Variants in CCT3 observed in about 807,000 individuals in gnomAD.
The protein encoded by CCT3 is chaperonin containing TCP1 subunit 3.
A neutral mutation model predicts 65.3 loss-of-function variants in CCT3; 10 were observed. The observed-to-expected ratio is 0.15, with a 90% CI of 0.09 to 0.26. The LOEUF (loss-of-function observed/expected upper bound fraction) is 0.26. Among genes scored for constraint, CCT3 ranks in the 10% least tolerant of loss-of-function variants. The pLI, the probability that CCT3 is intolerant of heterozygous loss-of-function variation, is 1.00. For missense variants in CCT3, 626 were observed against 708.7 expected, an observed-to-expected ratio of 0.88 and a Z score of 1.33; for synonymous variants, 225 against 242.3, an observed-to-expected ratio of 0.93 and a Z score of 0.66.
At position 156,328,243 on chromosome 1, in the gene CCT3, G is replaced by GC. The variant is rs1240512519; in HGVS notation, c.305-3155dup. ...GTCCGGGAGGGAGGTAGGGGGGTCA[G>GC]CCCCCGGCCCGGCCAGCCGCCCCAT... On this transcript the variant is annotated intron_variant, in intron 5 of 13. Transcript: ENST00000295688. Among the ~76,000 whole-genome samples the GC allele has an allele frequency of 2.9e-4, 41 of 140,728 alleles. 1 individual carries two copies. In the South Asian group the frequency reaches 9.2e-3, roughly 32 times the overall value. The allele number at this position is 140,728 out of a possible 152,430, so 92.3% of individuals were successfully genotyped here.
rs1663959598 is a variant in CCT3, at chr1:156,309,089, C to T, written c.*110G>A. The T allele has an allele frequency of 1.3e-6, 1 of 757,530 alleles. No homozygotes were observed. Among genetic ancestry groups the T allele is most frequent in the Middle Eastern group, 3.7e-4 (1 of 2,674 alleles). The allele number at this position is 757,530 out of a possible 1,614,324, so 46.9% of individuals were successfully genotyped here. A position where few individuals can be genotyped will look rare whatever the true frequency, so the allele number is the denominator to read the frequency against. On this transcript the variant is annotated 3_prime_UTR_variant, in exon 14 of 14. Transcript: ENST00000295688. Reference sequence around the variant, plus strand: ...GACAGAAAGGGACTGGGGGCTGCCCCCCAACCTGATCCCTTCTGAACAAAG... The same window carrying T: ...GACAGAAAGGGACTGGGGGCTGCCCTCCAACCTGATCCCTTCTGAACAAAG...
chr1:156,331,555 T>A (rs996555706), intron 5 of CCT3, among the ~76,000 whole-genome samples: 1 of 150,210 alleles, frequency 6.7e-6, no homozygotes, highest in Non-Finnish European at 1.5e-5. Flanking sequence ...TGGTGGCGCA[T>A]GCCTGTAATC....
In CCT3 at chr1:156,318,997, T is replaced by C. The variant is rs1203252286; in HGVS notation, c.630A>G (p.Glu210=). The C allele has an allele frequency of 6.2e-7, 1 of 1,610,064 alleles. No individual in the cohort carries two copies. Among genetic ancestry groups the C allele is most frequent in the African/African-American group, 1.3e-5 (1 of 74,714 alleles). The change falls in exon 8 of 14, where the codon GAA becomes GAG. Residue 210 remains glutamate (E), a synonymous_variant. Coordinates refer to ENST00000295688, the MANE Select transcript of CCT3 (RefSeq NM_005998.5). ...RVEKIPGGII[E]DSCVLRGVMI... is the part of the protein sequence containing the mutation. ...TGACTCCACGCAAGACACAGGAGTC[T>C]TCAATGATGCCTCCAGGTATCTGAA...
chr1:156,330,907 G>GATAA (rs1021482364), intron 5 of CCT3, among the ~76,000 whole-genome samples: 3 of 151,284 alleles, frequency 2.0e-5, no homozygotes, highest in Non-Finnish European at 4.4e-5. Flanking sequence ...CTGTCTCAAA[G>GATAA]ATAAATAAAT....
intron 6 of CCT3, among the ~76,000 whole-genome samples, chr1:156,324,090 C>CA: frequency 6.7e-6 from 1 of 148,718 alleles, no homozygotes; most frequent in East Asian, 2.0e-4. Flanking sequence ...TTTTTTGAGA[C>CA]AGAGTCTCAC....
intron 5 of CCT3, chr1:156,332,574 A>G (rs1054702353): frequency 3.9e-5 from 6 of 152,236 alleles, no homozygotes; most frequent in Non-Finnish European, 8.8e-5. Context: ...AAAAAATTTG[A>G]GTCACCCAAT....
At chr1:156,334,111 C>G (rs970401557) in intron 4 of CCT3, among the ~76,000 whole-genome samples, 1 of 151,910 alleles carries the variant, frequency 6.6e-6, no homozygotes, top group Non-Finnish European at 1.5e-5. Context: ...TGGTGGCATG[C>G]GCTTGTAATT....
At chr1:156,317,071 C>T in intron 10 of CCT3, 95 bp downstream of exon 10, 1 of 1,108,032 alleles carries the variant, frequency 9.0e-7, no homozygotes, top group Non-Finnish European at 1.4e-6. Context: ...TTACTATATC[C>T]TTTATTAAAC....
intron 7 of CCT3, among the ~76,000 whole-genome samples, chr1:156,319,963 C>G (rs1005515627): frequency 6.6e-6 from 1 of 152,138 alleles, no homozygotes; most frequent in African/African-American, 2.4e-5. Context: ...ATGGAGACAC[C>G]AATAAGCCTG....
At chr1:156,323,966 T>TTG (rs1360098223) in intron 6 of CCT3, among the ~76,000 whole-genome samples, 1 of 152,004 alleles carries the variant, frequency 6.6e-6, no homozygotes, top group East Asian at 1.9e-4. Flanking sequence ...TTTCACCATC[T>TTG]TGGCCAGGCT....
At chr1:156,325,572 T>G (rs1664764686) in intron 5 of CCT3, among the ~76,000 whole-genome samples, 1 of 146,980 alleles carries the variant, frequency 6.8e-6, no homozygotes, top group Admixed American at 7.4e-5. Context: ...TTACTTATTC[T>G]TTTGATTTTT....
intron 1 of CCT3, chr1:156,337,551 C>T (rs1665468021): frequency 6.1e-6 from 1 of 164,466 alleles, no homozygotes; most frequent in African/African-American, 2.4e-5. Context: ...ATCAGTGAGG[C>T]AAGTACGGTT....
chr1:156,310,716 G>A (rs1399040926), intron 12 of CCT3, 27 bp from the exon 13 acceptor site: 3 of 1,611,496 alleles, frequency 1.9e-6, no homozygotes, highest in Non-Finnish European at 2.5e-6. Context: ...AAGTAAAGGG[G>A]AAAATAAGTT....
At position 156,337,180 on chromosome 1, in the gene CCT3, G is replaced by A. The variant is rs755579063; in HGVS notation, c.31+974C>T. Reference sequence around the variant, plus strand: ...AGCACTTTGGGAGGCCGAGGTGGGCGGATCACCTGAGCTCATCAGCAGTTG... The same window carrying A: ...AGCACTTTGGGAGGCCGAGGTGGGCAGATCACCTGAGCTCATCAGCAGTTG... On this transcript the variant is annotated intron_variant, in intron 1 of 13. Coordinates refer to ENST00000295688, the MANE Select transcript of CCT3 (RefSeq NM_005998.5). 1.6e-5 allele frequency: 11 copies of A among 668,052 alleles called. 1 individual carries two copies. Among genetic ancestry groups the A allele is most frequent in the South Asian group, 1.6e-4 (10 of 63,334 alleles). 41.4% of individuals were successfully genotyped at this position (668,052 alleles called of 1,614,324 possible).
intron 1 of CCT3, among the ~76,000 whole-genome samples, chr1:156,336,669 C>T (rs950931416): frequency 7.2e-5 from 11 of 152,194 alleles, no homozygotes; most frequent in Non-Finnish European, 1.5e-5. Flanking sequence ...ATACACCACT[C>T]ACCCCCAGGC....
intron 2 of CCT3, 168 bp downstream of exon 2, chr1:156,335,659 C>T (rs1460154039): frequency 1.9e-5 from 11 of 566,618 alleles, no homozygotes; most frequent in Admixed American, 6.4e-5. Context: ...AAGGGGAGGG[C>T]TTCCTTTCCC....
chr1:156,317,096 A>G, intron 10 of CCT3, 70 bp downstream of exon 10: 1 of 1,301,592 alleles, frequency 7.7e-7, no homozygotes. Flanking sequence ...TCAGGTAATG[A>G]TGACTGTTAC....
In CCT3 at chr1:156,320,972, G is replaced by A; in HGVS notation, c.476C>T (p.Ser159Phe). ...SDMMLNIINS[S>F]ITTKAISRWS... is the part of the protein sequence containing the mutation. ...CCGACTGATGGCTTTGGTAGTAATA[G>A]AGCTGTTGATGATGTTCAGCATCAT... Residue 159 changes from serine to phenylalanine, a missense_variant, in exon 7 of 14, where the codon TCT becomes TTT. Coordinates refer to ENST00000295688, the MANE Select transcript of CCT3 (RefSeq NM_005998.5). The A allele has an allele frequency of 6.2e-7, 1 of 1,614,096 alleles. No homozygotes were observed. Among genetic ancestry groups the A allele is most frequent in the Non-Finnish European group, 8.5e-7 (1 of 1,179,992 alleles).
chr1:156,328,167 G>A, intron 5 of CCT3, among the ~76,000 whole-genome samples: 1 of 135,468 alleles, frequency 7.4e-6, no homozygotes, highest in Non-Finnish European at 1.7e-5. Flanking sequence ...GAGCCCCTCT[G>A]CCCAGCCAGC....
Sources: gnomAD v4.1 joint callset for allele counts (sites outside exome capture counted in the v4.1 genomes callset) on GRCh38, gnomAD v4.1.1 for gene constraint, MANE v1.5 for transcripts, NCBI Gene and HGNC (gene_info 2026-07-23, HGNC 2026-07-21) for gene names.